Variants in TFCP2L1 observed in about 807,000 individuals in gnomAD.
TFCP2L1 encodes transcription factor CP2-like protein 1.
Under a neutral mutation model 72.2 loss-of-function variants are expected in TFCP2L1, and 12 were observed. The observed-to-expected ratio is 0.17, with a 90% CI of 0.11 to 0.27. The LOEUF is 0.27. Ranked by LOEUF, TFCP2L1 falls within the 10% of genes least tolerant of loss-of-function variation. The probability of loss-of-function intolerance (pLI) is 1.00; values close to 1 mark genes in which losing one functional copy is unlikely to be tolerated. For synonymous variants in TFCP2L1, 260 were observed against 251.0 expected (o/e 1.04, Z -0.34); for missense variants, 488 against 624.6 (o/e 0.78, Z 2.33).
rs149216482 is a variant in TFCP2L1, at chr2:121,276,757, C to T, written c.214+4363G>A. On this transcript the variant is annotated intron_variant, in intron 2 of 14. Coordinates refer to ENST00000263707, the MANE Select transcript of TFCP2L1 (RefSeq NM_014553.3). ...TAAACAAACTCAGATCTTCATATCA[C>T]ATCATAAATTCCAAATGCATTTCAG... Among the ~76,000 whole-genome samples the T allele has an allele frequency of 2.0e-5, 3 of 152,048 alleles. No homozygotes were observed. In the East Asian group the frequency reaches 5.8e-4, roughly 29 times the overall value.
chr2:121,226,952 G>A lies in TFCP2L1; in HGVS notation c.1342-1339C>T, dbSNP rs116629285. 2.1e-3 allele frequency among the ~76,000 whole-genome samples: 322 copies of A among 152,282 alleles called. 2 individuals are homozygous for A. The Middle Eastern group carries it at 0.034, about 16-fold the overall frequency. On this transcript the variant is annotated intron_variant, in intron 13 of 14. Coordinates refer to ENST00000263707, the MANE Select transcript of TFCP2L1 (RefSeq NM_014553.3). The stretch of plus-strand genomic sequence containing the variant: ...GCATGAGGCTGGTTAGCGCAGCACC[G>A]TCTGCAGTAACACCAAACTCCTACC...
intron 2 of TFCP2L1, among the ~76,000 whole-genome samples, chr2:121,264,351 C>T (rs573378955): frequency 1.3e-5 from 2 of 152,318 alleles, no homozygotes; most frequent in East Asian, 3.9e-4. Flanking sequence ...ATCTAAGGAC[C>T]CTCTCTGAGA....
chr2:121,236,165 T>TG (rs936022632), intron 10 of TFCP2L1, among the ~76,000 whole-genome samples: 9 of 152,106 alleles, frequency 5.9e-5, no homozygotes, highest in East Asian at 1.9e-4. Flanking sequence ...GGATGGGCGC[T>TG]GGGGGGGCTT....
In TFCP2L1 at chr2:121,281,393, G is replaced by C; in HGVS notation, c.63-122C>G. Reference sequence around the variant, plus strand: ...CCCAGGGTGACACGGCACGCGCATCGCAGGGTGCTGGCTGCACTCCTGCAA... The same window carrying C: ...CCCAGGGTGACACGGCACGCGCATCCCAGGGTGCTGGCTGCACTCCTGCAA... On this transcript the variant is annotated intron_variant, in intron 1 of 14. Transcript: ENST00000263707. 27 of 1,107,096 alleles carry C rather than the reference G, an allele frequency of 2.4e-5. No homozygotes were observed. The South Asian group carries it at 4.1e-4, about 17-fold the overall frequency. 68.6% of individuals were successfully genotyped at this position (1,107,096 alleles called of 1,614,324 possible).
chr2:121,235,718 CCTCTT>C (rs1437509088), intron 10 of TFCP2L1, among the ~76,000 whole-genome samples: 2 of 151,276 alleles, frequency 1.3e-5, no homozygotes, highest in African/African-American at 2.4e-5. Flanking sequence ...CTGCATCTGG[CCTCTT>C]CTCTTTTTTT....
intron 13 of TFCP2L1, among the ~76,000 whole-genome samples, chr2:121,226,894 A>G (rs944561110): frequency 1.3e-5 from 2 of 152,208 alleles, no homozygotes; most frequent in African/African-American, 4.8e-5. Context: ...ACAAGTCATG[A>G]GCCCTGGACA....
intron 2 of TFCP2L1, among the ~76,000 whole-genome samples, chr2:121,267,320 G>C (rs1427762907): frequency 6.6e-6 from 1 of 152,086 alleles, no homozygotes; most frequent in African/African-American, 2.4e-5. Context: ...CAAGTAGCTA[G>C]TACTATAAGC....
chr2:121,241,348 G>A (rs1686363138), intron 7 of TFCP2L1, among the ~76,000 whole-genome samples: 1 of 152,102 alleles, frequency 6.6e-6, no homozygotes, highest in Non-Finnish European at 1.5e-5. Flanking sequence ...ACAAAAAAAT[G>A]TGCTGGGCAT....
At chr2:121,250,593 T>A (rs1035062681) in intron 2 of TFCP2L1, among the ~76,000 whole-genome samples, 2 of 148,242 alleles carry the variant, frequency 1.3e-5, no homozygotes, top group Non-Finnish European at 2.9e-5. Flanking sequence ...CATTTAATAA[T>A]TGGTATTGGC....
At chr2:121,235,401 G>GTCT in intron 10 of TFCP2L1, 90 bp from the exon 11 acceptor site, 1 of 1,276,546 alleles carries the variant, frequency 7.8e-7, no homozygotes, top group Non-Finnish European at 1.1e-6. Flanking sequence ...TAGCACTGGG[G>GTCT]GTGGGGGGTG....
chr2:121,264,724 G>A (rs147509018), intron 2 of TFCP2L1, among the ~76,000 whole-genome samples: 1 of 152,288 alleles, frequency 6.6e-6, no homozygotes, highest in Non-Finnish European at 1.5e-5. Flanking sequence ...TGGTTCCCGT[G>A]CGCTTCGGGG....
At chr2:121,275,378 G>A (rs191797914) in intron 2 of TFCP2L1, among the ~76,000 whole-genome samples, 1,449 of 104,334 alleles carry the variant, frequency 0.014, 34 homozygotes, top group African/African-American at 0.053. Flanking sequence ...TAGCCTGGGC[G>A]ACAGCACGAG....
chr2:121,236,900 T>C (rs2104678150), intron 10 of TFCP2L1, among the ~76,000 whole-genome samples: 1 of 152,270 alleles, frequency 6.6e-6, no homozygotes, highest in East Asian at 1.9e-4. Context: ...AAATGAGTGG[T>C]TTATGCATCT....
At chr2:121,259,593 A>C (rs180859162) in intron 2 of TFCP2L1, among the ~76,000 whole-genome samples, 20 of 152,360 alleles carry the variant, frequency 1.3e-4, no homozygotes, top group Admixed American at 8.5e-4. Flanking sequence ...AGAAGTTAAA[A>C]AATAATTTTA....
intron 13 of TFCP2L1, among the ~76,000 whole-genome samples, chr2:121,227,137 T>C (rs570620831): frequency 6.6e-6 from 1 of 152,288 alleles, no homozygotes; most frequent in Non-Finnish European, 1.5e-5. Flanking sequence ...ATTTCACTCA[T>C]GGAAAGTTTT....
intron 10 of TFCP2L1, among the ~76,000 whole-genome samples, chr2:121,236,637 G>A (rs867862485): frequency 3.3e-5 from 5 of 152,082 alleles, no homozygotes; most frequent in South Asian, 2.1e-4. Flanking sequence ...AGTAAAAGCC[G>A]AAGTCCTTCC....
exon 1 of TFCP2L1, chr2:121,285,196 CGAACCCGCGGTGCCG>C: frequency 8.3e-7 from 1 of 1,208,158 alleles, no homozygotes; most frequent in Non-Finnish European, 1.1e-6. Flanking sequence ...CTTCGCGCTC[CGAACCCGCGGTGCCG>C]GCCGGCTCGG....
At chr2:121,273,368 G>C (rs1455866695) in intron 2 of TFCP2L1, among the ~76,000 whole-genome samples, 1 of 152,078 alleles carries the variant, frequency 6.6e-6, no homozygotes, top group African/African-American at 2.4e-5. Flanking sequence ...CCAGCCTTCG[G>C]GAAGATATGT....
chr2:121,268,318 A>AT (rs1686973722), intron 2 of TFCP2L1, among the ~76,000 whole-genome samples: 2 of 151,964 alleles, frequency 1.3e-5, no homozygotes, highest in East Asian at 3.9e-4. Context: ...AAATATTTAC[A>AT]TTTTTTTTAA....
Sources: allele counts gnomAD v4.1 joint callset (sites outside exome capture counted in the v4.1 genomes callset), GRCh38; gene constraint gnomAD v4.1.1; transcripts MANE v1.5; gene names NCBI Gene and HGNC (gene_info 2026-07-23, HGNC 2026-07-21).